The following TGFBR2 variants were observed in gnomAD, a reference collection of about 807,000 sequenced individuals.
The protein encoded by TGFBR2 is TGF-beta receptor type-2.
In TGFBR2, 18 loss-of-function variants were observed where a neutral mutation model predicts 49.0. That is an observed-to-expected ratio of 0.37 (90% confidence interval 0.25 to 0.54). The LOEUF is 0.54. TGFBR2 is among the 20% of genes least tolerant of loss of function. The pLI, the probability that TGFBR2 is intolerant of heterozygous loss-of-function variation, is 0.85. For missense variants in TGFBR2, 525 were observed against 722.6 expected, an observed-to-expected ratio of 0.73 and a Z score of 3.13; for synonymous variants, 282 against 275.9, an observed-to-expected ratio of 1.02 and a Z score of -0.22.
At chr3:30,675,158 G>A (rs17026203) in intron 5 of TGFBR2, among the ~76,000 whole-genome samples, 2,512 of 152,216 alleles carry the variant, frequency 0.017, 67 homozygotes, top group African/African-American at 0.058. Context: ...TACCTTGGAG[G>A]ACAGATGCAT....
At chr3:30,611,686 A>G (rs1474757165) in intron 1 of TGFBR2, among the ~76,000 whole-genome samples, 1 of 148,148 alleles carries the variant, frequency 6.8e-6, no homozygotes, top group Non-Finnish European at 1.5e-5. Context: ...ATTGGGTTTT[A>G]TGTTTTGGTT....
At position 30,671,993 on chromosome 3, in the gene TGFBR2, G is replaced by A. The variant is rs777990831; in HGVS notation, c.810G>A (p.Gln270=). The part of the protein sequence containing the change: ...KAKLKQNTSE[Q]FETVAVKIFP... ...AGCTGAAGCAGAACACTTCAGAGCA[G>A]TTTGAGACAGTGGCAGTCAAGATCT... Residue 270 remains glutamine, a synonymous_variant, in exon 4 of 7, where the codon CAG becomes CAA. Coordinates refer to ENST00000295754, the MANE Select transcript of TGFBR2 (RefSeq NM_003242.6). 1.9e-6 allele frequency: 3 copies of A among 1,614,086 alleles called. No individual in the cohort carries two copies. Among genetic ancestry groups the A allele is most frequent in the African/African-American group, 2.7e-5 (2 of 74,938 alleles).
intron 1 of TGFBR2, among the ~76,000 whole-genome samples, chr3:30,618,158 T>C (rs1698162985): frequency 6.6e-6 from 1 of 152,096 alleles, no homozygotes; most frequent in South Asian, 2.1e-4. Context: ...CATGAGTCTT[T>C]TGTCCACTGA....
In TGFBR2 at chr3:30,693,521, G is replaced by A. The variant is rs1025554558; in HGVS notation, c.*1922G>A. 4.3e-6 allele frequency: 1 copy of A among 233,392 alleles called. No homozygotes were observed. Among genetic ancestry groups the A allele is most frequent in the African/African-American group, 2.2e-5 (1 of 45,312 alleles). The allele number at this position is 233,392 out of a possible 1,614,324, so 14.5% of individuals were successfully genotyped here. ...TATCAGCTCTGTTTGGATGGTGGAA[G>A]GTCTCATTTTATTGAGATTTTTAAG... On this transcript the variant is annotated 3_prime_UTR_variant, in exon 7 of 7. Coordinates refer to ENST00000295754, the MANE Select transcript of TGFBR2 (RefSeq NM_003242.6).
intron 5 of TGFBR2, among the ~76,000 whole-genome samples, chr3:30,681,973 CT>C (rs1457261621): frequency 6.6e-6 from 1 of 152,202 alleles, no homozygotes; most frequent in African/African-American, 2.4e-5. Context: ...TGGAGTATAA[CT>C]ACGAGCAGAA....
At chr3:30,631,621 CTTTTTT>C (rs71093918) in intron 1 of TGFBR2, among the ~76,000 whole-genome samples, 4 of 115,380 alleles carry the variant, frequency 3.5e-5, no homozygotes, top group Non-Finnish European at 5.5e-5. Flanking sequence ...CAACTTCTTT[CTTTTTT>C]TTTTTTTTTT....
intron 3 of TGFBR2, among the ~76,000 whole-genome samples, chr3:30,651,325 C>CT (rs1698881214): frequency 6.6e-6 from 1 of 152,154 alleles, no homozygotes; most frequent in Non-Finnish European, 1.5e-5. Flanking sequence ...ACACACGTCT[C>CT]TATCATTCAT....
intron 1 of TGFBR2, among the ~76,000 whole-genome samples, chr3:30,643,979 G>A (rs576176924): frequency 6.6e-6 from 1 of 152,144 alleles, no homozygotes; most frequent in Non-Finnish European, 1.5e-5. Flanking sequence ...GGTGATAAGG[G>A]AGAGGTACAG....
At chr3:30,616,309 C>T (rs1698132570) in intron 1 of TGFBR2, among the ~76,000 whole-genome samples, 1 of 152,160 alleles carries the variant, frequency 6.6e-6, no homozygotes, top group African/African-American at 2.4e-5. Context: ...ATTTTTCCTC[C>T]AGGTTTAGCT....
intron 5 of TGFBR2, among the ~76,000 whole-genome samples, chr3:30,684,271 A>T (rs1433446086): frequency 6.6e-6 from 1 of 152,214 alleles, no homozygotes; most frequent in Non-Finnish European, 1.5e-5. Flanking sequence ...TGAGAAAAAA[A>T]AAAATGGAGG....
At chr3:30,659,372 A>T (rs1699071545) in intron 3 of TGFBR2, among the ~76,000 whole-genome samples, 1 of 152,136 alleles carries the variant, frequency 6.6e-6, no homozygotes, top group Non-Finnish European at 1.5e-5. Context: ...TTTTGTTGTG[A>T]ACCAGCCTTG....
At chr3:30,669,801 G>T (rs9850982) in intron 3 of TGFBR2, among the ~76,000 whole-genome samples, 54,243 of 152,058 alleles carry the variant, frequency 0.36, 10,124 homozygotes, top group Non-Finnish European at 0.41. Context: ...CTCTTTGTTA[G>T]AAAATGATTT....
intron 1 of TGFBR2, among the ~76,000 whole-genome samples, chr3:30,616,576 G>A (rs1352743087): frequency 1.3e-5 from 2 of 152,058 alleles, no homozygotes; most frequent in Admixed American, 1.3e-4. Flanking sequence ...GACAAGAATT[G>A]GACTAAATAA....
chr3:30,631,790 C>A (rs550750921), intron 1 of TGFBR2, among the ~76,000 whole-genome samples: 2 of 151,874 alleles, frequency 1.3e-5, no homozygotes, highest in Non-Finnish European at 2.9e-5. Flanking sequence ...CATGTCCAAC[C>A]CATTTGTTTG....
At chr3:30,607,787 T>TAAAAAAA (rs1282819756) in intron 1 of TGFBR2, among the ~76,000 whole-genome samples, 2 of 127,704 alleles carry the variant, frequency 1.6e-5, no homozygotes, top group African/African-American at 7.0e-5. Flanking sequence ...AAGGAAAAAA[T>TAAAAAAA]AAAAATAAAA....
chr3:30,618,453 G>A (rs1374057410), intron 1 of TGFBR2, among the ~76,000 whole-genome samples: 1 of 151,300 alleles, frequency 6.6e-6, no homozygotes, highest in Admixed American at 6.6e-5. Context: ...GGTCAGGCTG[G>A]TCTCAAACTC....
intron 2 of TGFBR2, among the ~76,000 whole-genome samples, chr3:30,647,866 A>G (rs766967365): frequency 3.3e-4 from 50 of 151,796 alleles, no homozygotes; most frequent in Admixed American, 2.0e-4. Flanking sequence ...TTTAGTAGAG[A>G]TGGGGTTTCA....
Position 30,691,633 on chromosome 3 carries a change from G to A in TGFBR2, c.*34G>A, listed in dbSNP as rs1463497403. On this transcript the variant is annotated 3_prime_UTR_variant, in exon 7 of 7. Coordinates refer to ENST00000295754, the MANE Select transcript of TGFBR2 (RefSeq NM_003242.6). ...GGGCAGGCTGGGCCATGTCCAAAGA[G>A]GCTGCCCCTCTCACCAAAGAACAGA... 1 of 1,613,534 alleles carries A rather than the reference G, an allele frequency of 6.2e-7. No homozygotes were observed.
At position 30,681,558 on chromosome 3, in the gene TGFBR2, C is replaced by T. The variant is rs773974437; in HGVS notation, c.1397-6826C>T. ...ACAAATTAAAAGAAGCTGCGAGGGC[C>T]GGGCGGTTGCGGGTGGCTTCCATCA... On this transcript the variant is annotated intron_variant, in intron 5 of 6. Transcript: ENST00000295754. Among the ~76,000 whole-genome samples the T allele has an allele frequency of 4.6e-5, 7 of 152,088 alleles. No individual in the cohort carries two copies. The East Asian group carries it at 7.7e-4, about 17-fold the overall frequency.
Sources: allele counts gnomAD v4.1 joint callset (sites outside exome capture counted in the v4.1 genomes callset), GRCh38; gene constraint gnomAD v4.1.1; transcripts MANE v1.5; gene names NCBI Gene and HGNC (gene_info 2026-07-23, HGNC 2026-07-21).